Variants in ZNF804B observed in about 807,000 individuals in gnomAD.
ZNF804B encodes zinc finger 804B.
ZNF804B carries 80 observed loss-of-function variants against 101.4 expected under a neutral mutation model. That is an observed-to-expected ratio of 0.79 (90% CI 0.66 to 0.95). The LOEUF (loss-of-function observed/expected upper bound fraction) is 0.95, where lower values mean the gene tolerates loss of function less well. Ranked by LOEUF, ZNF804B falls within the 40% of genes least tolerant of loss-of-function variation. The probability of loss-of-function intolerance (pLI) is 0.00; values close to 1 mark genes in which losing one functional copy is unlikely to be tolerated. For synonymous variants in ZNF804B, 622 were observed against 558.8 expected (o/e 1.11, Z -1.59); for missense variants, 1,673 against 1,561.9 (o/e 1.07, Z -1.20).
At chr7:89,258,207 G>A (rs1789663582) in intron 2 of ZNF804B, among the ~76,000 whole-genome samples, 2 of 152,116 alleles carry the variant, frequency 1.3e-5, no homozygotes, top group South Asian at 4.1e-4. Flanking sequence ...ACTAGAGGAT[G>A]TGTATAGGCT....
intron 2 of ZNF804B, among the ~76,000 whole-genome samples, chr7:89,262,260 T>G (rs1352281836): frequency 1.3e-5 from 2 of 152,224 alleles, no homozygotes; most frequent in South Asian, 4.1e-4. Flanking sequence ...GGAAGTTTCA[T>G]GTCTTTCGTC....
intron 1 of ZNF804B, among the ~76,000 whole-genome samples, chr7:89,055,030 A>C (rs1011051532): frequency 2.0e-4 from 31 of 152,166 alleles, no homozygotes; most frequent in Admixed American, 2.0e-3. Context: ...GATAGTAATA[A>C]TTACTATTAT....
At chr7:89,141,995 G>T (rs904250852) in intron 1 of ZNF804B, among the ~76,000 whole-genome samples, 15 of 151,614 alleles carry the variant, frequency 9.9e-5, no homozygotes, top group Non-Finnish European at 2.2e-4. Context: ...CATCCCTAAA[G>T]AATTGAGGGT....
At chr7:89,285,185 C>T (rs1790163957) in intron 2 of ZNF804B, among the ~76,000 whole-genome samples, 1 of 151,712 alleles carries the variant, frequency 6.6e-6, no homozygotes, top group South Asian at 2.1e-4. Flanking sequence ...TGTGACTGTA[C>T]TCAAGCTTGG....
At chr7:89,190,290 G>A (rs1307976120) in intron 1 of ZNF804B, among the ~76,000 whole-genome samples, 3 of 150,074 alleles carry the variant, frequency 2.0e-5, no homozygotes, top group Admixed American at 6.7e-5. Flanking sequence ...AGCCGAGATC[G>A]TGCCATTTCA....
chr7:89,017,625 T>C (rs1452530501), intron 1 of ZNF804B, among the ~76,000 whole-genome samples: 1 of 152,124 alleles, frequency 6.6e-6, no homozygotes, highest in African/African-American at 2.4e-5. Context: ...GGCCATTTTA[T>C]CGTTAATAAT....
At chr7:89,030,242 T>C (rs543369145) in intron 1 of ZNF804B, among the ~76,000 whole-genome samples, 4 of 152,260 alleles carry the variant, frequency 2.6e-5, no homozygotes, top group Admixed American at 6.5e-5. Flanking sequence ...AATAGTTTAG[T>C]GTCATCTGAA....
intron 1 of ZNF804B, among the ~76,000 whole-genome samples, chr7:89,145,177 A>C (rs1790774520): frequency 6.6e-6 from 1 of 152,022 alleles, no homozygotes; most frequent in Non-Finnish European, 1.5e-5. Flanking sequence ...ACTGACATCT[A>C]AAATGACAAT....
At chr7:89,136,097 T>C (rs2116386311) in intron 1 of ZNF804B, among the ~76,000 whole-genome samples, 1 of 152,264 alleles carries the variant, frequency 6.6e-6, no homozygotes. Context: ...GCTGTAGATA[T>C]AATGTTGATT....
intron 1 of ZNF804B, among the ~76,000 whole-genome samples, chr7:89,022,310 C>T (rs1562862769): frequency 2.6e-5 from 4 of 152,124 alleles, no homozygotes; most frequent in Admixed American, 1.3e-4. Context: ...TCTAGTCAGC[C>T]ATCTTGCTGA....
chr7:89,116,254 G>A (rs879751068), intron 1 of ZNF804B, among the ~76,000 whole-genome samples: 7 of 151,978 alleles, frequency 4.6e-5, no homozygotes, highest in Non-Finnish European at 1.0e-4. Flanking sequence ...AGTAAAGACC[G>A]TGATTCTTGA....
At chr7:89,308,087 A>G (rs1317012579) in intron 2 of ZNF804B, among the ~76,000 whole-genome samples, 3 of 152,150 alleles carry the variant, frequency 2.0e-5, no homozygotes, top group African/African-American at 7.2e-5. Flanking sequence ...CAAGAAAAAA[A>G]GTGAGTCTTC....
At chr7:88,971,551 C>T (rs1183359883) in intron 1 of ZNF804B, among the ~76,000 whole-genome samples, 1 of 151,496 alleles carries the variant, frequency 6.6e-6, no homozygotes, top group Non-Finnish European at 1.5e-5. Flanking sequence ...TAATTATCTG[C>T]AGAATAAAGC....
intron 1 of ZNF804B, among the ~76,000 whole-genome samples, chr7:88,810,447 G>C (rs1429522245): frequency 1.3e-5 from 2 of 151,434 alleles, no homozygotes; most frequent in Non-Finnish European, 2.9e-5. Context: ...GAGCCCAGGA[G>C]TTCGAGACCA....
intron 1 of ZNF804B, among the ~76,000 whole-genome samples, chr7:89,137,242 G>A (rs1019667436): frequency 6.6e-6 from 1 of 152,036 alleles, no homozygotes; most frequent in Non-Finnish European, 1.5e-5. Flanking sequence ...ATGTTAAGGT[G>A]AAAGCTTTTT....
At position 88,883,572 on chromosome 7, in the gene ZNF804B, A is replaced by G. The variant is rs1792075203; in HGVS notation, c.108+123488A>G. Among the ~76,000 whole-genome samples, 2 of 152,128 alleles carry G rather than the reference A, an allele frequency of 1.3e-5. 1 individual carries two copies. The highest frequency in any genetic ancestry group is 4.1e-4 in the South Asian group (2 of 4,838). ...CACTATGGTGGCATTGAAAGTCAAC[A>G]AAATGTATAGGAGCAAACATCTTCT... On this transcript the variant is annotated intron_variant, in intron 1 of 3. Coordinates refer to ENST00000333190, the MANE Select transcript of ZNF804B (RefSeq NM_181646.5).
At chr7:89,015,594 T>G (rs1367617117) in intron 1 of ZNF804B, among the ~76,000 whole-genome samples, 8 of 152,180 alleles carry the variant, frequency 5.3e-5, no homozygotes, top group Non-Finnish European at 1.2e-4. Context: ...GTGTTTGGTT[T>G]TTTGTCCTTG....
chr7:89,158,737 C>G (rs1200257228), intron 1 of ZNF804B, among the ~76,000 whole-genome samples: 1 of 152,070 alleles, frequency 6.6e-6, no homozygotes, highest in Non-Finnish European at 1.5e-5. Flanking sequence ...CTTTCCAGCC[C>G]AACTTTTCAT....
At chr7:88,875,191 C>G (rs1284003475) in intron 1 of ZNF804B, among the ~76,000 whole-genome samples, 1 of 143,804 alleles carries the variant, frequency 7.0e-6, no homozygotes, top group Non-Finnish European at 1.5e-5. Context: ...GCACTAAATG[C>G]CCACAAGAGA....
Sources: allele counts gnomAD v4.1 joint callset (sites outside exome capture counted in the v4.1 genomes callset), GRCh38; gene constraint gnomAD v4.1.1; transcripts MANE v1.5; gene names NCBI Gene and HGNC (gene_info 2026-07-23, HGNC 2026-07-21).